Variants in PHF2 observed in about 807,000 individuals in gnomAD.
PHF2 encodes PHD finger protein 2, also known as lysine-specific demethylase PHF2.
In PHF2, 27 loss-of-function variants were observed where a neutral mutation model predicts 120.5. The observed-to-expected ratio is 0.22, with a 90% CI of 0.17 to 0.31. The LOEUF is 0.31. Among genes scored for constraint, PHF2 ranks in the 10% least tolerant of loss-of-function variants. The pLI is 1.00. For synonymous variants in PHF2, 568 were observed against 592.5 expected (o/e 0.96, Z 0.60); for missense variants, 1,024 against 1,434.8 (o/e 0.71, Z 4.63).
intron 1 of PHF2, among the ~76,000 whole-genome samples, chr9:93,579,583 G>A (rs1028081306): frequency 9.9e-5 from 15 of 152,092 alleles, no homozygotes; most frequent in Admixed American, 8.5e-4. Context: ...CCTTACTCTC[G>A]AAAATATTGC....
chr9:93,631,535 T>A (rs1271231445), intron 2 of PHF2, among the ~76,000 whole-genome samples: 1 of 152,240 alleles, frequency 6.6e-6, no homozygotes, highest in Non-Finnish European at 1.5e-5. Flanking sequence ...ATCATCTGGT[T>A]ATTGCTCAAA....
intron 1 of PHF2, among the ~76,000 whole-genome samples, chr9:93,624,643 C>A (rs569892577): frequency 6.8e-6 from 1 of 146,584 alleles, no homozygotes; most frequent in East Asian, 2.1e-4. Context: ...GATGGTGTGG[C>A]AATGTTGGTG....
intron 1 of PHF2, among the ~76,000 whole-genome samples, chr9:93,626,176 G>T (rs2131645408): frequency 6.6e-6 from 1 of 152,308 alleles, no homozygotes; most frequent in East Asian, 1.9e-4. Context: ...CTGGGAGGCA[G>T]AGGTTGCAGT....
chr9:93,656,917 G>A lies in PHF2; in HGVS notation c.1147+322G>A, dbSNP rs1216956588. 6.6e-6 allele frequency among the ~76,000 whole-genome samples: 1 copy of A among 152,206 alleles called. No individual in the cohort carries two copies. The highest frequency in any genetic ancestry group is 1.5e-5 in the Non-Finnish European group (1 of 68,036). On this transcript the variant is annotated intron_variant, in intron 9 of 21. Transcript: ENST00000359246. The surrounding 1 kb of genome is among the most constrained non-coding windows in gnomAD (Gnocchi z 4.1). Reference sequence around the variant, plus strand: ...TCCACCCTCCACACTTGCCTCCATTGGGAGGGTGGAGCCCTGGCTCTGTCA... The same window carrying A: ...TCCACCCTCCACACTTGCCTCCATTAGGAGGGTGGAGCCCTGGCTCTGTCA...
chr9:93,628,210 G>C (rs1825944737), intron 1 of PHF2, among the ~76,000 whole-genome samples: 1 of 152,194 alleles, frequency 6.6e-6, no homozygotes, highest in Non-Finnish European at 1.5e-5. Flanking sequence ...CTGGTCTGTA[G>C]TTTTCTTATA....
intron 17 of PHF2, 43 bp from the exon 18 acceptor site, chr9:93,673,542 G>A (rs762805652): frequency 9.9e-5 from 149 of 1,506,670 alleles, no homozygotes; most frequent in Non-Finnish European, 1.3e-4. Flanking sequence ...TGGGCTGCAG[G>A]CCAAGAGCAC....
chr9:93,675,076 G>T (rs1051945359), intron 19 of PHF2, 54 bp downstream of exon 19: 2 of 1,408,874 alleles, frequency 1.4e-6, no homozygotes, highest in Non-Finnish European at 2.0e-6. Flanking sequence ...TGGAAGCTGT[G>T]ACTTTGTCTG....
intron 17 of PHF2, among the ~76,000 whole-genome samples, chr9:93,671,810 G>A (rs1485399998): frequency 2.8e-5 from 4 of 142,304 alleles, no homozygotes; most frequent in African/African-American, 8.0e-5. Flanking sequence ...GGGTGTGGAT[G>A]TAGGTACAGG....
intron 14 of PHF2, among the ~76,000 whole-genome samples, chr9:93,664,151 G>C (rs1323249889): frequency 6.6e-6 from 1 of 152,206 alleles, no homozygotes; most frequent in African/African-American, 2.4e-5. Flanking sequence ...CAGGGTCCTG[G>C]CTCTCAGAGC....
At chr9:93,580,222 C>T (rs964002191) in intron 1 of PHF2, among the ~76,000 whole-genome samples, 4 of 152,196 alleles carry the variant, frequency 2.6e-5, no homozygotes, top group South Asian at 2.1e-4. Context: ...TCACTGGCAC[C>T]GACTGGAGTG....
At chr9:93,582,572 G>A (rs1862951645) in intron 1 of PHF2, among the ~76,000 whole-genome samples, 1 of 152,180 alleles carries the variant, frequency 6.6e-6, no homozygotes, top group African/African-American at 2.4e-5. Flanking sequence ...CCCTAGCTGT[G>A]AGGTCCAGAA....
intron 1 of PHF2, among the ~76,000 whole-genome samples, chr9:93,581,318 G>T (rs1049397249): frequency 2.6e-5 from 4 of 152,208 alleles, no homozygotes; most frequent in Non-Finnish European, 5.9e-5. Context: ...GGCCAGTGGA[G>T]TGTGTGTGCG....
intron 1 of PHF2, among the ~76,000 whole-genome samples, chr9:93,620,797 CCT>C (rs1825812556): frequency 6.6e-6 from 1 of 152,194 alleles, no homozygotes; most frequent in African/African-American, 2.4e-5. Flanking sequence ...TTATTATTCT[CCT>C]CTTATTTTTC....
intron 12 of PHF2, 119 bp from the exon 13 acceptor site, chr9:93,662,788 A>G (rs751934741): frequency 9.3e-6 from 11 of 1,181,356 alleles, no homozygotes; most frequent in Non-Finnish European, 1.2e-5. Flanking sequence ...GGATGGGTAG[A>G]TGGATGGAGG....
chr9:93,615,400 CGAT>C (rs1342588164), intron 1 of PHF2, among the ~76,000 whole-genome samples: 2 of 151,984 alleles, frequency 1.3e-5, no homozygotes, highest in Admixed American at 1.3e-4. Context: ...ATGATGATGA[CGAT>C]GATGATGGTG....
intron 1 of PHF2, among the ~76,000 whole-genome samples, chr9:93,611,333 T>G (rs1386739104): frequency 1.3e-5 from 2 of 151,698 alleles, no homozygotes; most frequent in African/African-American, 4.8e-5. Context: ...AAGAATTGCT[T>G]GAACCCAGGA....
At chr9:93,670,351 C>G (rs879788565) in intron 17 of PHF2, among the ~76,000 whole-genome samples, 5 of 152,216 alleles carry the variant, frequency 3.3e-5, no homozygotes, top group Admixed American at 3.3e-4. Flanking sequence ...TAGAAAGGGA[C>G]GTTGCAGGGT....
intron 1 of PHF2, among the ~76,000 whole-genome samples, chr9:93,613,535 T>C (rs1286073600): frequency 6.0e-5 from 7 of 115,756 alleles, no homozygotes; most frequent in Non-Finnish European, 1.4e-4. Flanking sequence ...CCGGTGGAGA[T>C]TGGGGTTCTT....
intron 17 of PHF2, among the ~76,000 whole-genome samples, chr9:93,669,216 T>G (rs1826737137): frequency 6.6e-6 from 1 of 152,218 alleles, no homozygotes; most frequent in African/African-American, 2.4e-5. Flanking sequence ...CGTGGCTAAG[T>G]GCAGGCCCCC....
Sources: allele counts gnomAD v4.1 joint callset (sites outside exome capture counted in the v4.1 genomes callset), GRCh38; gene constraint gnomAD v4.1.1; non-coding constraint Gnocchi (gnomAD v3.1); transcripts MANE v1.5; gene names NCBI Gene and HGNC (gene_info 2026-07-23, HGNC 2026-07-21).